The following MRPS25 variants were observed in gnomAD, a reference collection of about 807,000 sequenced individuals.
MRPS25 encodes the protein small ribosomal subunit protein mS25.
In MRPS25, 15 loss-of-function variants were observed where a neutral mutation model predicts 17.3. That is an observed-to-expected ratio of 0.87 (90% CI 0.58 to 1.34). The LOEUF is 1.34. Ranked by LOEUF, MRPS25 falls within the 40% of genes most tolerant of loss-of-function variation. The pLI is 0.00. For missense variants in MRPS25, 225 were observed against 218.6 expected, an observed-to-expected ratio of 1.03 and a Z score of -0.19; for synonymous variants, 94 against 83.3, an observed-to-expected ratio of 1.13 and a Z score of -0.70.
intron 2 of MRPS25, 142 bp downstream of exon 2, chr3:15,059,227 T>A (rs1397681279): frequency 4.7e-6 from 3 of 637,902 alleles, no homozygotes; most frequent in Non-Finnish European, 8.5e-6. Context: ...TGCCTCGGTA[T>A]GGGGAAGCCA....
In MRPS25 at chr3:15,051,729, C is replaced by T. The variant is rs769035164; in HGVS notation, c.*712G>A. ...CCAATGTCTCCACTAGGTGGTGTCT[C>T]CTCATTTCCTCCATGGCCTACAAAC... On this transcript the variant is annotated 3_prime_UTR_variant, in exon 4 of 4. Coordinates refer to ENST00000253686, the MANE Select transcript of MRPS25 (RefSeq NM_022497.5). 61 of 985,270 alleles carry T rather than the reference C, an allele frequency of 6.2e-5. No individual in the cohort carries two copies. The highest frequency in any genetic ancestry group is 7.1e-5 in the Non-Finnish European group (59 of 830,028). 61.0% of individuals were successfully genotyped at this position (985,270 alleles called of 1,614,324 possible).
At chr3:15,061,944 C>T (rs549754905) in intron 1 of MRPS25, among the ~76,000 whole-genome samples, 433 of 150,580 alleles carry the variant, frequency 2.9e-3, no homozygotes, top group Non-Finnish European at 4.7e-3. Context: ...GCCCGGCAGC[C>T]GCCCCGTCTG....
downstream of MRPS25, chr3:15,044,536 TGAGAACA>T (rs2042383957): frequency 6.6e-6 from 1 of 152,258 alleles, no homozygotes; most frequent in African/African-American, 2.4e-5. Context: ...TTTTCCTGTT[TGAGAACA>T]GTGGCATGTG....
At chr3:15,062,008 G>C (rs1358267823) in intron 1 of MRPS25, among the ~76,000 whole-genome samples, 153 of 145,628 alleles carry the variant, frequency 1.1e-3, no homozygotes, top group African/African-American at 3.7e-3. Context: ...AGTGAGGAGC[G>C]TCTCCGCCCG....
chr3:15,062,534 C>T (rs1271883141), intron 1 of MRPS25, among the ~76,000 whole-genome samples: 2 of 151,546 alleles, frequency 1.3e-5, no homozygotes, highest in Non-Finnish European at 2.9e-5. Flanking sequence ...AGTGAGGAGC[C>T]CCTCTGCCCG....
chr3:15,052,642 G>A lies in MRPS25; in HGVS notation c.330-9C>T, dbSNP rs377446402. On this transcript the variant is annotated splice_polypyrimidine_tract_variant and intron_variant, in intron 3 of 3. Transcript: ENST00000253686. Reference sequence around the variant, plus strand: ...CTTCCCTGAGGGTTTCCCTGCCAAAGAGCACAGACGGCAACCAAGCATTGG... The same window carrying A: ...CTTCCCTGAGGGTTTCCCTGCCAAAAAGCACAGACGGCAACCAAGCATTGG... 3.7e-6 allele frequency: 6 copies of A among 1,611,514 alleles called. No homozygotes were observed. In the East Asian group the frequency reaches 6.7e-5, roughly 18 times the overall value.
Position 15,052,324 on chromosome 3 carries a change from A to G in MRPS25, c.*117T>C, listed in dbSNP as rs1331658255. 31 of 1,491,684 alleles carry G rather than the reference A, an allele frequency of 2.1e-5. No homozygotes were observed. Among genetic ancestry groups the G allele is most frequent in the Non-Finnish European group, 2.3e-5 (26 of 1,122,748 alleles). The allele number at this position is 1,491,684 out of a possible 1,614,324, so 92.4% of individuals were successfully genotyped here. ...AGGTGTGTAAAGTCCTTTTAATGCAAAAGGATTTCCAGAGTCTCCAGGGAC... is the reference window on the plus strand; with the variant it reads ...AGGTGTGTAAAGTCCTTTTAATGCAGAAGGATTTCCAGAGTCTCCAGGGAC... On this transcript the variant is annotated 3_prime_UTR_variant, in exon 4 of 4. Transcript: ENST00000253686.
chr3:15,057,302 G>A (rs183192134), intron 2 of MRPS25, among the ~76,000 whole-genome samples: 82 of 152,244 alleles, frequency 5.4e-4, no homozygotes, highest in African/African-American at 1.7e-3. Context: ...TTCCCTGCCC[G>A]GCCTCCTCAC....
At chr3:15,063,935 G>A (rs1195967872) in intron 1 of MRPS25, among the ~76,000 whole-genome samples, 2 of 152,078 alleles carry the variant, frequency 1.3e-5, no homozygotes, top group Non-Finnish European at 2.9e-5. Flanking sequence ...TACACCCTAA[G>A]ACCAAGACCA....
At position 15,050,513 on chromosome 3, in the gene MRPS25, T is replaced by G; in HGVS notation, c.*1928A>C. On this transcript the variant is annotated 3_prime_UTR_variant, in exon 4 of 4. Transcript: ENST00000253686. ...ACTGCAGATGAAAGCCAAAAGGAAC[T>G]AGGTGCTTTCTGAAGAGCCCTTGCA... is the stretch of plus-strand genomic sequence containing the variant. 5 of 985,686 alleles carry G rather than the reference T, an allele frequency of 5.1e-6. No homozygotes were observed. Among genetic ancestry groups the G allele is most frequent in the Non-Finnish European group, 6.0e-6 (5 of 830,174 alleles). The allele number at this position is 985,686 out of a possible 1,614,324, so 61.1% of individuals were successfully genotyped here.
chr3:15,054,736 T>G (rs1016839681), intron 2 of MRPS25, among the ~76,000 whole-genome samples: 1 of 152,166 alleles, frequency 6.6e-6, no homozygotes, highest in Non-Finnish European at 1.5e-5. Flanking sequence ...TAAAAACTTT[T>G]ACAGTTCAGG....
downstream of MRPS25, chr3:15,043,826 T>C (rs1384332288): frequency 6.6e-6 from 1 of 152,216 alleles, no homozygotes; most frequent in Admixed American, 6.5e-5. Flanking sequence ...GTTATCTGAA[T>C]TGGATTGCAA....
At chr3:15,053,699 T>C in intron 2 of MRPS25, 1 of 552,438 alleles carries the variant, frequency 1.8e-6, no homozygotes, top group Non-Finnish European at 3.2e-6. Flanking sequence ...AGAAAGACAT[T>C]CCATGTTCAT....
rs1048882317 is a variant in MRPS25 at position 15,051,601 on chromosome 3, G to A, written c.*840C>T. 1 of 985,460 alleles carries A rather than the reference G, an allele frequency of 1.0e-6. No individual in the cohort carries two copies. The highest frequency in any genetic ancestry group is 4.7e-5 in the South Asian group (1 of 21,284). 61.0% of individuals were successfully genotyped at this position (985,460 alleles called of 1,614,324 possible). A position where few individuals can be genotyped will look rare whatever the true frequency, so the allele number is the denominator to read the frequency against. ...TCAGTGTCCTATGAGGAAAGAACAA[G>A]GAAGGTGCTCAGTAATGCAGCACTC... On this transcript the variant is annotated 3_prime_UTR_variant, in exon 4 of 4. Coordinates refer to ENST00000253686, the MANE Select transcript of MRPS25 (RefSeq NM_022497.5).
chr3:15,049,773 C>CAGAT lies in MRPS25; in HGVS notation c.*2664_*2667dup, dbSNP rs1213155661. 14 of 692,950 alleles carry CAGAT rather than the reference C, an allele frequency of 2.0e-5. No individual in the cohort carries two copies. The highest frequency in any genetic ancestry group is 5.6e-5 in the Admixed American group (2 of 35,828). 42.9% of individuals were successfully genotyped at this position (692,950 alleles called of 1,614,324 possible). On this transcript the variant is annotated 3_prime_UTR_variant, in exon 4 of 4. Coordinates refer to ENST00000253686, the MANE Select transcript of MRPS25 (RefSeq NM_022497.5). ...ATGCATGACAGAACTCACTGGCAGG[C>CAGAT]AGATAGGGCCTCACTCCGTCACCCA...
downstream of MRPS25, chr3:15,043,118 T>G: frequency 9.6e-7 from 1 of 1,045,194 alleles, no homozygotes; most frequent in Non-Finnish European, 1.3e-6. Context: ...TGTTAGCCAT[T>G]TCCTGTCTGG....
In MRPS25 at chr3:15,049,954, G is replaced by T; in HGVS notation, c.*2487C>A. 1 of 1,527,630 alleles carries T rather than the reference G, an allele frequency of 6.5e-7. No individual in the cohort carries two copies. Among genetic ancestry groups the T allele is most frequent in the South Asian group, 1.2e-5 (1 of 82,370 alleles). The allele number at this position is 1,527,630 out of a possible 1,614,324, so 94.6% of individuals were successfully genotyped here. The stretch of plus-strand genomic sequence containing the variant: ...GTAGTGCCTCAAAGAGAAGAAAAGT[G>T]GTCACTTCAGAATAAGGCTGTGAAC... On this transcript the variant is annotated 3_prime_UTR_variant, in exon 4 of 4. Transcript: ENST00000253686.
downstream of MRPS25, chr3:15,048,300 T>C (rs1371241363): frequency 1.3e-5 from 2 of 152,670 alleles, no homozygotes; most frequent in African/African-American, 4.8e-5. Context: ...AATCACGCTA[T>C]TGAAAGTGGC....
chr3:15,050,472 A>G lies in MRPS25; in HGVS notation c.*1969T>C. 1 of 984,796 alleles carries G rather than the reference A, an allele frequency of 1.0e-6. No individual in the cohort carries two copies. The allele number at this position is 984,796 out of a possible 1,614,324, so 61.0% of individuals were successfully genotyped here. ...CTCTCATAAGGCTTTGTGTGTCACT[A>G]GCTATGGAGACCTACACTGCAGATG... On this transcript the variant is annotated 3_prime_UTR_variant, in exon 4 of 4. Coordinates refer to ENST00000253686, the MANE Select transcript of MRPS25 (RefSeq NM_022497.5).
Sources: gnomAD v4.1 joint callset for allele counts (sites outside exome capture counted in the v4.1 genomes callset) on GRCh38, gnomAD v4.1.1 for gene constraint, MANE v1.5 for transcripts, NCBI Gene and HGNC (gene_info 2026-07-23, HGNC 2026-07-21) for gene names.